Variants in NOMO1 observed in about 807,000 individuals in gnomAD.
The protein encoded by NOMO1 is nodal modulator 3.
NOMO1 carries 40 observed loss-of-function variants against 133.8 expected under a neutral mutation model. The observed-to-expected ratio is 0.30, with a 90% CI of 0.23 to 0.39. The LOEUF (loss-of-function observed/expected upper bound fraction) is 0.39. Ranked by LOEUF, NOMO1 falls within the 10% of genes least tolerant of loss-of-function variation. The probability of loss-of-function intolerance (pLI) is 1.00; values close to 1 mark genes in which losing one functional copy is unlikely to be tolerated. For missense variants in NOMO1, 462 were observed against 1,419.9 expected (o/e 0.33, Z 10.84); for synonymous variants, 236 against 570.5 (o/e 0.41, Z 8.36).
intron 11 of NOMO1, among the ~76,000 whole-genome samples, chr16:14,858,852 C>T (rs942210103): frequency 9.2e-5 from 14 of 152,096 alleles, no homozygotes; most frequent in Admixed American, 6.5e-4. Context: ...AAAGCAGAGA[C>T]GACAAGGGCT....
chr16:14,870,996 G>A (rs1195657218), intron 16 of NOMO1, among the ~76,000 whole-genome samples: 2 of 149,052 alleles, frequency 1.3e-5, no homozygotes, highest in African/African-American at 5.0e-5. Flanking sequence ...AAAACAGCAG[G>A]GTGGTTTTAG....
At chr16:14,848,743 CA>C (rs1414392072) in intron 5 of NOMO1, 155 bp from the exon 6 acceptor site, 4 of 143,874 alleles carry the variant, frequency 2.8e-5, no homozygotes, top group Non-Finnish European at 2.5e-5. Context: ...CAGATTTGTA[CA>C]GTGAAGGATT....
intron 11 of NOMO1, among the ~76,000 whole-genome samples, chr16:14,860,298 G>T (rs1245930574): frequency 6.6e-6 from 1 of 151,570 alleles, no homozygotes; most frequent in Non-Finnish European, 1.5e-5. Flanking sequence ...AACCCGGGAG[G>T]CAGGGGTTGC....
intron 2 of NOMO1, among the ~76,000 whole-genome samples, chr16:14,838,965 T>C (rs1009321691): frequency 1.3e-5 from 2 of 151,836 alleles, no homozygotes; most frequent in African/African-American, 4.8e-5. Context: ...TTTAGAAGTA[T>C]GTGAAATAAA....
chr16:14,857,571 C>T lies in NOMO1; in HGVS notation c.1136C>T (p.Ala379Val), dbSNP rs764049106. The T allele has an allele frequency of 8.1e-6, 13 of 1,612,178 alleles. No individual in the cohort carries two copies. The highest frequency in any genetic ancestry group is 1.1e-5 in the Non-Finnish European group (13 of 1,179,414). ...ACCACAGGGACATACACCATCCATG[C>T]TCAGAAAGAGCACCTCTACTTTGAA... ...NITTGTYTIH[A>V]QKEHLYFETV... The change falls in exon 11 of 31, where the codon GCT (alanine) becomes GTT (valine). Residue 379 changes from alanine to valine, a missense_variant. Physicochemically the swap from Ala to Val is moderately conservative, Grantham distance 64 (BLOSUM62 0). Transcript: ENST00000287667.
At chr16:14,856,628 T>C (rs1963841195) in intron 9 of NOMO1, among the ~76,000 whole-genome samples, 1 of 151,916 alleles carries the variant, frequency 6.6e-6, no homozygotes, top group Non-Finnish European at 1.5e-5. Flanking sequence ...GCTAGGCTGG[T>C]CTTGGACTCC....
chr16:14,846,717 G>C (rs776571237), intron 5 of NOMO1, 34 bp downstream of exon 5: 62 of 828,798 alleles, frequency 7.5e-5, no homozygotes, highest in Non-Finnish European at 1.0e-4. Flanking sequence ...TGTTGCCTTA[G>C]AGCCGGGCTC....
chr16:14,876,817 C>G lies in NOMO1; in HGVS notation c.2643+27C>G, dbSNP rs201264041. On this transcript the variant is annotated intron_variant, in intron 22 of 30. Coordinates refer to ENST00000287667, the MANE Select transcript of NOMO1 (RefSeq NM_014287.4). ...TAACTAACACTGTATTTTCAAAAGG[C>G]AGTTATACTGAGGTATAATTAACAT... 1,958 of 1,608,228 alleles carry G rather than the reference C, an allele frequency of 1.2e-3. 26 individuals are homozygous for G. The African/African-American group carries it at 0.022, about 18-fold the overall frequency.
Position 14,864,693 on chromosome 16 carries a change from T to C in NOMO1, c.1504T>C (p.Leu502=). The C allele has an allele frequency of 6.2e-7, 1 of 1,613,396 alleles. No individual in the cohort carries two copies. The highest frequency in any genetic ancestry group is 8.5e-7 in the Non-Finnish European group (1 of 1,179,744). ...PMMDVAFVQF[L]ASVSGKVSCL... ...GATGGATGTGGCCTTTGTACAGTTC[T>C]TGGCATCAGTTTCTGGGAAAGTCTC... The change falls in exon 13 of 31, where the codon TTG becomes CTG. Residue 502 remains leucine (L), a synonymous_variant. Coordinates refer to ENST00000287667, the MANE Select transcript of NOMO1 (RefSeq NM_014287.4).
intron 2 of NOMO1, 127 bp downstream of exon 2, chr16:14,838,623 T>G: frequency 1.1e-6 from 1 of 874,988 alleles, no homozygotes; most frequent in South Asian, 1.7e-5. Flanking sequence ...TGGAATATGA[T>G]AATCCTAGCC....
At chr16:14,857,142 C>T (rs1477807924) in intron 9 of NOMO1, 75 bp from the exon 10 acceptor site, 8 of 1,607,082 alleles carry the variant, frequency 5.0e-6, no homozygotes, top group South Asian at 1.1e-5. Flanking sequence ...TGGTGGCCGG[C>T]GCAGCAGAAG....
intron 29 of NOMO1, among the ~76,000 whole-genome samples, chr16:14,894,401 G>A (rs562720572): frequency 2.0e-5 from 3 of 152,174 alleles, no homozygotes; most frequent in East Asian, 1.9e-4. Context: ...CCAGGGCTGC[G>A]CCTGCTGCAG....
intron 2 of NOMO1, among the ~76,000 whole-genome samples, chr16:14,840,684 C>T (rs888115954): frequency 3.3e-5 from 5 of 149,654 alleles, no homozygotes; most frequent in Admixed American, 6.7e-5. Flanking sequence ...TGTTTAGAGA[C>T]AGGATCTCCC....
rs376030522 is a variant in NOMO1 at position 14,857,667 on chromosome 16, G to A, written c.1220+12G>A. Reference sequence around the variant, plus strand: ...ATTATTGCAACAGGGTAAGCTTATCGTGTGGATTTGGAAGCGCCAGTAAAT... The same window carrying A: ...ATTATTGCAACAGGGTAAGCTTATCATGTGGATTTGGAAGCGCCAGTAAAT... On this transcript the variant is annotated intron_variant, in intron 11 of 30. Coordinates refer to ENST00000287667, the MANE Select transcript of NOMO1 (RefSeq NM_014287.4). 4.5e-5 allele frequency: 72 copies of A among 1,613,686 alleles called. 1 individual carries two copies. Among genetic ancestry groups the A allele is most frequent in the African/African-American group, 3.9e-4 (29 of 74,896 alleles).
At chr16:14,889,236 A>G in intron 29 of NOMO1, 21 bp downstream of exon 29, 1 of 1,611,518 alleles carries the variant, frequency 6.2e-7, no homozygotes, top group Non-Finnish European at 8.5e-7. Flanking sequence ...GAGGGAGTTA[A>G]AAAAAAACCC....
intron 13 of NOMO1, 54 bp downstream of exon 13, chr16:14,864,780 G>A: frequency 6.8e-6 from 11 of 1,613,354 alleles, no homozygotes; most frequent in Non-Finnish European, 8.5e-6. Context: ...TCAGCCGGTA[G>A]GAGTGGGATT....
chr16:14,856,237 A>C (rs1165260901), intron 9 of NOMO1, among the ~76,000 whole-genome samples: 1 of 151,920 alleles, frequency 6.6e-6, no homozygotes, highest in Non-Finnish European at 1.5e-5. Flanking sequence ...TTTGATGAAG[A>C]TACTAAAATG....
At chr16:14,877,461 A>G (rs940865527) in intron 22 of NOMO1, among the ~76,000 whole-genome samples, 2 of 149,510 alleles carry the variant, frequency 1.3e-5, no homozygotes, top group African/African-American at 2.5e-5. Context: ...TTAAAATTCT[A>G]TATTGCTGAA....
At chr16:14,861,028 G>A (rs2151897799) in intron 11 of NOMO1, among the ~76,000 whole-genome samples, 1 of 139,764 alleles carries the variant, frequency 7.2e-6, no homozygotes, top group Middle Eastern at 3.5e-3. Context: ...GTAGAGATGT[G>A]GTTTTGCCGT....
Sources: allele counts gnomAD v4.1 joint callset (sites outside exome capture counted in the v4.1 genomes callset), GRCh38; gene constraint gnomAD v4.1.1; transcripts MANE v1.5; gene names NCBI Gene and HGNC (gene_info 2026-07-23, HGNC 2026-07-21).